The following FUT8 variants were observed in gnomAD, a reference collection of about 807,000 sequenced individuals.
FUT8 encodes alpha-(1,6)-fucosyltransferase.
Under a neutral mutation model 71.3 loss-of-function variants are expected in FUT8, and 29 were observed. The ratio of observed to expected loss-of-function variants is 0.41; its 90% confidence interval spans 0.30 to 0.55. The LOEUF (loss-of-function observed/expected upper bound fraction) is 0.55. FUT8 is among the 20% of genes least tolerant of loss of function. The pLI, the probability that FUT8 is intolerant of heterozygous loss-of-function variation, is 0.34. For missense variants in FUT8, 544 were observed against 702.1 expected (o/e 0.77, Z 2.55); for synonymous variants, 254 against 239.3 (o/e 1.06, Z -0.57).
At chr14:65,471,156 T>A (rs1022730789) in intron 2 of FUT8, 1 of 311,630 alleles carries the variant, frequency 3.2e-6, no homozygotes, top group Non-Finnish European at 6.3e-6. Flanking sequence ...ATCTCAGGAC[T>A]ATAGAACTTT....
At chr14:65,465,604 A>G (rs557054566) in intron 2 of FUT8, among the ~76,000 whole-genome samples, 1 of 152,328 alleles carries the variant, frequency 6.6e-6, no homozygotes, top group South Asian at 2.1e-4. Flanking sequence ...GAGATTTTCC[A>G]GCTATGTTTT....
chr14:65,385,114 G>T, the FUT8 span, among the ~76,000 whole-genome samples: 1 of 151,756 alleles, frequency 6.6e-6, no homozygotes, highest in Admixed American at 6.6e-5. Flanking sequence ...GGTCGGGCTG[G>T]TCTCGAACTC....
intron 2 of FUT8, among the ~76,000 whole-genome samples, chr14:65,512,822 T>C (rs977021838): frequency 6.7e-6 from 1 of 149,966 alleles, no homozygotes; most frequent in Admixed American, 6.7e-5. Flanking sequence ...GGAAGAGAAT[T>C]GCTTGAACCT....
In FUT8 at chr14:65,508,507, T is replaced by G. The variant is rs562764867; in HGVS notation, c.-228+52789T>G. On this transcript the variant is annotated intron_variant, in intron 2 of 10. Coordinates refer to ENST00000673929, the MANE Select transcript of FUT8 (RefSeq NM_001371533.1). Reference sequence around the variant, plus strand: ...GTTGTTTGAGTTTTTTTTTTTTTTTTTTTTTTTTTTGAGATGGAGTTTCGC... The same window carrying G: ...GTTGTTTGAGTTTTTTTTTTTTTTTGTTTTTTTTTTGAGATGGAGTTTCGC... Among the ~76,000 whole-genome samples, 80 of 135,486 alleles carry G rather than the reference T, an allele frequency of 5.9e-4. 2 individuals are homozygous for G. The highest frequency in any genetic ancestry group is 2.1e-3 in the African/African-American group (77 of 36,268). The allele number at this position is 135,486 out of a possible 152,430, so 88.9% of individuals were successfully genotyped here.
intron 6 of FUT8, among the ~76,000 whole-genome samples, chr14:65,649,895 G>A (rs942984866): frequency 1.3e-5 from 2 of 152,180 alleles, no homozygotes; most frequent in African/African-American, 4.8e-5. Context: ...TGCATTAAAT[G>A]TTTGAGAATA....
intron 6 of FUT8, among the ~76,000 whole-genome samples, chr14:65,639,466 G>C (rs1890726123): frequency 6.6e-6 from 1 of 151,480 alleles, no homozygotes; most frequent in Admixed American, 6.6e-5. Context: ...GAAGTTTAAA[G>C]TCTAGTAGCT....
intron 2 of FUT8, among the ~76,000 whole-genome samples, chr14:65,491,491 G>C (rs1452231780): frequency 6.6e-6 from 1 of 152,096 alleles, no homozygotes; most frequent in South Asian, 2.1e-4. Context: ...GCAGCATGGG[G>C]ACAATAGGTT....
chr14:65,493,265 G>A (rs1454150971), intron 2 of FUT8, among the ~76,000 whole-genome samples: 1 of 152,080 alleles, frequency 6.6e-6, no homozygotes, highest in East Asian at 1.9e-4. Context: ...TAGCTTGACG[G>A]CTTTTTATAG....
At chr14:65,475,674 G>T (rs1464365521) in intron 2 of FUT8, among the ~76,000 whole-genome samples, 1 of 151,978 alleles carries the variant, frequency 6.6e-6, no homozygotes, top group African/African-American at 2.4e-5. Flanking sequence ...TCAGGTATTT[G>T]AGGCTGCAGT....
chr14:65,450,113 A>G (rs2065800041), intron 1 of FUT8, among the ~76,000 whole-genome samples: 1 of 152,090 alleles, frequency 6.6e-6, no homozygotes, highest in Non-Finnish European at 1.5e-5. Flanking sequence ...TTTTAGAACA[A>G]GATGTATTTC....
chr14:65,398,429 T>C, the FUT8 span, among the ~76,000 whole-genome samples: 1 of 152,126 alleles, frequency 6.6e-6, no homozygotes, highest in African/African-American at 2.4e-5. Context: ...GCCAACACTC[T>C]GCCTATTAAA....
intron 6 of FUT8, among the ~76,000 whole-genome samples, chr14:65,647,268 G>C (rs567790558): frequency 7.2e-4 from 110 of 152,210 alleles, no homozygotes; most frequent in African/African-American, 2.6e-3. Context: ...TGTTCCTCTA[G>C]TATGTTAAAG....
rs141383561 is a variant in FUT8, at chr14:65,624,179, C to T, written c.483-5313C>T. ...CTTACATGGTCTCCAACAGAGAGGC[C>T]GAGAAACAAAAGATTTTAAAAACAA... On this transcript the variant is annotated intron_variant, in intron 5 of 10. Coordinates refer to ENST00000673929, the MANE Select transcript of FUT8 (RefSeq NM_001371533.1). 2.4e-3 allele frequency among the ~76,000 whole-genome samples: 372 copies of T among 151,970 alleles called. 2 individuals are homozygous for T. Among genetic ancestry groups the T allele is most frequent in the African/African-American group, 8.5e-3 (353 of 41,436 alleles).
At chr14:65,419,720 T>C (rs2065266130) in intron 1 of FUT8, among the ~76,000 whole-genome samples, 1 of 152,222 alleles carries the variant, frequency 6.6e-6, no homozygotes, top group Non-Finnish European at 1.5e-5. Context: ...TAGGTTTTTC[T>C]TTCTCTCTTA....
chr14:65,656,547 T>TTTATACTATCCAGAGTA (rs1891690176), intron 6 of FUT8, among the ~76,000 whole-genome samples: 1 of 152,140 alleles, frequency 6.6e-6, no homozygotes, highest in African/African-American at 2.4e-5. Flanking sequence ...TGTTAAAATG[T>TTTATACTATCCAGAGTA]TTATACTATC....
chr14:65,573,055 C>G (rs1287102423), intron 3 of FUT8, among the ~76,000 whole-genome samples: 4 of 152,048 alleles, frequency 2.6e-5, no homozygotes, highest in African/African-American at 9.7e-5. Context: ...TGGGGAGTTT[C>G]TTGTAAAAGG....
chr14:65,568,201 C>G lies in FUT8; in HGVS notation c.203+6435C>G, dbSNP rs138737346. ...TTATCAGCATGTTCAAATGTTCTAG[C>G]TTAAAATTGTTCTTAGTGCCATTTT... On this transcript the variant is annotated intron_variant, in intron 3 of 10. Transcript: ENST00000673929. Among the ~76,000 whole-genome samples the G allele has an allele frequency of 2.3e-3, 343 of 151,806 alleles. 4 individuals are homozygous for G. Among genetic ancestry groups the G allele is most frequent in the African/African-American group, 8.0e-3 (330 of 41,470 alleles).
intron 3 of FUT8, among the ~76,000 whole-genome samples, chr14:65,587,121 G>A (rs970099713): frequency 4.6e-5 from 7 of 151,706 alleles, no homozygotes; most frequent in East Asian, 1.9e-4. Context: ...CCCGGGAGGC[G>A]GAGCTTGCAA....
chr14:65,632,191 ATGTGCAAG>A (rs1890221377), intron 6 of FUT8, among the ~76,000 whole-genome samples: 1 of 152,200 alleles, frequency 6.6e-6, no homozygotes, highest in Non-Finnish European at 1.5e-5. Flanking sequence ...ATAAACATGC[ATGTGCAAG>A]TATCTTTTTC....
Sources: allele counts gnomAD v4.1 joint callset (sites outside exome capture counted in the v4.1 genomes callset), GRCh38; gene constraint gnomAD v4.1.1; transcripts MANE v1.5; gene names NCBI Gene and HGNC (gene_info 2026-07-23, HGNC 2026-07-21).